Variants in DACH1 observed in about 807,000 individuals in gnomAD.
DACH1 encodes dachshund family transcription factor 1.
A neutral mutation model predicts 54.2 loss-of-function variants in DACH1; 12 were observed. That is an observed-to-expected ratio of 0.22 (90% confidence interval 0.14 to 0.36). The LOEUF (loss-of-function observed/expected upper bound fraction) is 0.36, where lower values mean the gene tolerates loss of function less well. Ranked by LOEUF, DACH1 falls within the 10% of genes least tolerant of loss-of-function variation. DACH1 has a pLI of 1.00. For synonymous variants in DACH1, 386 were observed against 366.2 expected (o/e 1.05, Z -0.62); for missense variants, 805 against 929.8 (o/e 0.87, Z 1.75).
intron 1 of DACH1, among the ~76,000 whole-genome samples, chr13:71,726,519 G>T (rs1163425464): frequency 6.6e-6 from 1 of 151,846 alleles, no homozygotes; most frequent in African/African-American, 2.4e-5. Flanking sequence ...AAAATAAAGT[G>T]ATTTTTTTGT....
chr13:71,531,650 A>G (rs1882423792), intron 6 of DACH1, among the ~76,000 whole-genome samples: 1 of 152,050 alleles, frequency 6.6e-6, no homozygotes, highest in Non-Finnish European at 1.5e-5. Context: ...GGAATAGATA[A>G]AAAAATCAGT....
chr13:71,791,259 A>T (rs1321457948), intron 1 of DACH1, among the ~76,000 whole-genome samples: 1 of 152,194 alleles, frequency 6.6e-6, no homozygotes, highest in Non-Finnish European at 1.5e-5. Flanking sequence ...TTCGGACGTC[A>T]AACAATGATT....
intron 6 of DACH1, among the ~76,000 whole-genome samples, chr13:71,515,449 G>A (rs1322912197): frequency 1.3e-5 from 2 of 151,826 alleles, no homozygotes; most frequent in Non-Finnish European, 2.9e-5. Flanking sequence ...TCTTAACTAT[G>A]TTCTTTCTGC....
chr13:71,582,625 G>T (rs1019553988), intron 3 of DACH1, among the ~76,000 whole-genome samples: 1 of 152,044 alleles, frequency 6.6e-6, no homozygotes, highest in Non-Finnish European at 1.5e-5. Flanking sequence ...TAACAGAAAA[G>T]AATTCAGCAT....
intron 3 of DACH1, among the ~76,000 whole-genome samples, chr13:71,586,550 A>G (rs561885435): frequency 2.6e-5 from 4 of 152,112 alleles, no homozygotes; most frequent in African/African-American, 4.8e-5. Context: ...ATTTATTACT[A>G]TTCTTCACTA....
chr13:71,716,682 T>C (rs1220605293), intron 1 of DACH1, among the ~76,000 whole-genome samples: 1 of 152,152 alleles, frequency 6.6e-6, no homozygotes, highest in Non-Finnish European at 1.5e-5. Context: ...TATTTTAGTC[T>C]GCCAACAAAA....
chr13:71,860,895 C>G (rs529050884), intron 1 of DACH1, among the ~76,000 whole-genome samples: 1 of 151,922 alleles, frequency 6.6e-6, no homozygotes, highest in Non-Finnish European at 1.5e-5. Context: ...GCTACTTATA[C>G]TCTAAAAACA....
intron 1 of DACH1, among the ~76,000 whole-genome samples, chr13:71,766,496 T>A (rs1057209218): frequency 3.3e-5 from 5 of 152,284 alleles, no homozygotes; most frequent in African/African-American, 1.2e-4. Flanking sequence ...GTAACCTCCA[T>A]TAGCCCTGAT....
intron 3 of DACH1, among the ~76,000 whole-genome samples, chr13:71,598,412 G>A (rs576099060): frequency 3.9e-5 from 6 of 151,912 alleles, no homozygotes; most frequent in African/African-American, 7.2e-5. Flanking sequence ...GCGCCACCAC[G>A]CCCGGCTAAT....
chr13:71,554,401 T>C (rs1043720402), intron 6 of DACH1, among the ~76,000 whole-genome samples: 1 of 152,154 alleles, frequency 6.6e-6, no homozygotes, highest in Non-Finnish European at 1.5e-5. Flanking sequence ...TATGTCAAAA[T>C]ATTGGGAAAC....
At chr13:71,755,048 T>C (rs542374298) in intron 1 of DACH1, among the ~76,000 whole-genome samples, 2 of 152,300 alleles carry the variant, frequency 1.3e-5, no homozygotes, top group South Asian at 4.1e-4. Flanking sequence ...CTATGAGTTT[T>C]ATTTTATCAT....
Position 71,833,091 on chromosome 13 carries a change from C to T in DACH1, c.848+32831G>A, listed in dbSNP as rs550795375. On this transcript the variant is annotated intron_variant, in intron 1 of 10. Transcript: ENST00000613252. ...CTATGTGAATAGAACGTTTTGAAAG[C>T]TACAAGAAGAGAAAACATTTTGTAA... 3.3e-4 allele frequency among the ~76,000 whole-genome samples: 50 copies of T among 151,970 alleles called. 1 individual carries two copies. Among genetic ancestry groups the T allele is most frequent in the Admixed American group, 2.2e-3 (33 of 15,208 alleles).
At chr13:71,839,549 G>C (rs1411337968) in intron 1 of DACH1, among the ~76,000 whole-genome samples, 1 of 152,140 alleles carries the variant, frequency 6.6e-6, no homozygotes, top group Non-Finnish European at 1.5e-5. Context: ...GGAGCTTGTA[G>C]TGAGCAGAGA....
At chr13:71,816,830 T>G (rs1887978124) in intron 1 of DACH1, among the ~76,000 whole-genome samples, 1 of 151,950 alleles carries the variant, frequency 6.6e-6, no homozygotes. Context: ...AAATACCACA[T>G]GTTCTCACTT....
chr13:71,582,864 G>C (rs1198849692), intron 3 of DACH1, among the ~76,000 whole-genome samples: 1 of 152,088 alleles, frequency 6.6e-6, no homozygotes, highest in Non-Finnish European at 1.5e-5. Flanking sequence ...GCTGGCAATG[G>C]AAAGAATACT....
At chr13:71,580,117 A>G (rs960214627) in intron 3 of DACH1, among the ~76,000 whole-genome samples, 1 of 152,178 alleles carries the variant, frequency 6.6e-6, no homozygotes, top group Non-Finnish European at 1.5e-5. Context: ...GTATAATTTG[A>G]TTACAGATAA....
At chr13:71,603,825 G>A (rs1049779967) in intron 3 of DACH1, among the ~76,000 whole-genome samples, 1 of 151,722 alleles carries the variant, frequency 6.6e-6, no homozygotes, top group Admixed American at 6.6e-5. Context: ...ATGTGATACC[G>A]ATATTATGCT....
At chr13:71,475,941 AT>A in intron 8 of DACH1, 92 bp from the exon 9 acceptor site, 1 of 1,007,228 alleles carries the variant, frequency 9.9e-7, no homozygotes, top group Non-Finnish European at 1.3e-6. Context: ...TATATTATTC[AT>A]TTTGTTTTCC....
At chr13:71,604,870 A>AGT (rs1372346759) in intron 3 of DACH1, among the ~76,000 whole-genome samples, 2 of 151,896 alleles carry the variant, frequency 1.3e-5, no homozygotes, top group African/African-American at 4.8e-5. Flanking sequence ...TAATTTAATC[A>AGT]AAATAGCAAA....
Sources: gnomAD v4.1 joint callset for allele counts (sites outside exome capture counted in the v4.1 genomes callset) on GRCh38, gnomAD v4.1.1 for gene constraint, MANE v1.5 for transcripts, NCBI Gene and HGNC (gene_info 2026-07-23, HGNC 2026-07-21) for gene names.